Variants in PYHIN1 observed in about 807,000 individuals in gnomAD.
PYHIN1 encodes the protein pyrin and HIN domain-containing protein 1.
A neutral mutation model predicts 43.7 loss-of-function variants in PYHIN1; 32 were observed. That is an observed-to-expected ratio of 0.73 (90% CI 0.55 to 0.98). The LOEUF is 0.98. Among genes scored for constraint, PYHIN1 ranks in the 50% least tolerant of loss-of-function variants. The pLI is 0.00. For missense variants in PYHIN1, 588 were observed against 589.5 expected (o/e 1.00, Z 0.03); for synonymous variants, 205 against 203.1 (o/e 1.01, Z -0.08).
chr1:158,952,440 G>A (rs889383420), intron 7 of PYHIN1, among the ~76,000 whole-genome samples: 14 of 152,076 alleles, frequency 9.2e-5, no homozygotes, highest in African/African-American at 2.2e-4. Flanking sequence ...GCAGGTGAAC[G>A]GCTCCCCTTT....
chr1:158,951,561 G>T (rs856088), intron 7 of PYHIN1, among the ~76,000 whole-genome samples: 124,433 of 152,146 alleles, frequency 0.82, 51,995 homozygotes, highest in East Asian at 0.99. Flanking sequence ...GAATTACGTG[G>T]TCTCCACCAG....
chr1:158,959,238 G>T (rs1650178013), intron 7 of PYHIN1, among the ~76,000 whole-genome samples: 1 of 152,094 alleles, frequency 6.6e-6, no homozygotes, highest in South Asian at 2.1e-4. Flanking sequence ...CTGAGCTAAG[G>T]GTCCAGGCCC....
intron 7 of PYHIN1, chr1:158,945,254 G>A (rs1649161220): frequency 2.3e-6 from 1 of 432,890 alleles, no homozygotes. Flanking sequence ...AACGATTGCT[G>A]ACCACAAGAG....
At chr1:158,986,475 C>T in the PYHIN1 span, among the ~76,000 whole-genome samples, 2,627 of 152,254 alleles carry the variant, frequency 0.017, 51 homozygotes, top group East Asian at 0.11. Flanking sequence ...ACCTGCTGCA[C>T]TGAAGGGGCT....
intron 7 of PYHIN1, among the ~76,000 whole-genome samples, chr1:158,955,472 G>A (rs1055217939): frequency 6.6e-6 from 1 of 151,840 alleles, no homozygotes; most frequent in Non-Finnish European, 1.5e-5. Context: ...TCAACTACAT[G>A]GAAACTGAAC....
intron 1 of PYHIN1, among the ~76,000 whole-genome samples, chr1:158,935,123 C>T (rs1348390227): frequency 6.6e-6 from 1 of 152,090 alleles, no homozygotes; most frequent in Non-Finnish European, 1.5e-5. Flanking sequence ...CTGAAAATTT[C>T]TAGAAGACAA....
intron 7 of PYHIN1, among the ~76,000 whole-genome samples, chr1:158,964,276 A>G (rs1650491576): frequency 6.6e-6 from 1 of 152,226 alleles, no homozygotes; most frequent in South Asian, 2.1e-4. Context: ...AGAGACAAGG[A>G]GAAAGCAAAC....
chr1:158,974,506 T>G (rs987654909), intron 8 of PYHIN1, among the ~76,000 whole-genome samples: 2 of 151,980 alleles, frequency 1.3e-5, no homozygotes, highest in Admixed American at 6.6e-5. Context: ...CTGCTTTTGG[T>G]CATGATATGA....
chr1:158,936,709 A>C (rs1010208184), intron 1 of PYHIN1, among the ~76,000 whole-genome samples, 182 bp from the exon 2 acceptor site: 2 of 152,236 alleles, frequency 1.3e-5, no homozygotes, highest in Non-Finnish European at 2.9e-5. Flanking sequence ...AAATAATAAG[A>C]GCTATCTATG....
intron 5 of PYHIN1, among the ~76,000 whole-genome samples, chr1:158,943,190 T>C (rs1421319690): frequency 6.6e-6 from 1 of 152,166 alleles, no homozygotes; most frequent in East Asian, 1.9e-4. Flanking sequence ...TTTACCAGCA[T>C]TGCTTTCTGT....
chr1:158,949,105 G>A (rs938915810), intron 7 of PYHIN1, among the ~76,000 whole-genome samples: 19 of 152,106 alleles, frequency 1.2e-4, no homozygotes, highest in Admixed American at 8.5e-4. Flanking sequence ...AGATGTCCTA[G>A]GCACCATAAA....
intron 7 of PYHIN1, among the ~76,000 whole-genome samples, chr1:158,969,214 A>G (rs1172040727): frequency 6.6e-6 from 1 of 151,974 alleles, no homozygotes; most frequent in Non-Finnish European, 1.5e-5. Context: ...AGACATCGTT[A>G]TGGTTTGAGT....
At chr1:158,976,202 C>T (rs1326160193) in intron 8 of PYHIN1, among the ~76,000 whole-genome samples, 2 of 152,040 alleles carry the variant, frequency 1.3e-5, no homozygotes, top group African/African-American at 4.8e-5. Flanking sequence ...CAAATAAAGG[C>T]TAATATTGGA....
At chr1:158,990,670 C>T in the PYHIN1 span, among the ~76,000 whole-genome samples, 2 of 152,128 alleles carry the variant, frequency 1.3e-5, no homozygotes, top group Non-Finnish European at 2.9e-5. Flanking sequence ...TCCCATTTCT[C>T]CCTCCCCTAC....
intron 1 of PYHIN1, among the ~76,000 whole-genome samples, chr1:158,934,159 C>A (rs898555563): frequency 6.6e-6 from 1 of 152,086 alleles, no homozygotes; most frequent in Non-Finnish European, 1.5e-5. Flanking sequence ...TTACTTAATG[C>A]ACATTTTTCT....
At chr1:158,983,685 A>G in the PYHIN1 span, among the ~76,000 whole-genome samples, 1 of 152,116 alleles carries the variant, frequency 6.6e-6, no homozygotes, top group African/African-American at 2.4e-5. Context: ...CCGCTCCTCA[A>G]TATTTTGGAA....
chr1:158,932,730 A>G (rs561798788), intron 1 of PYHIN1, among the ~76,000 whole-genome samples: 32 of 152,300 alleles, frequency 2.1e-4, no homozygotes, highest in South Asian at 8.3e-4. Flanking sequence ...AGTATGTTTA[A>G]CTTTTACATT....
chr1:158,954,775 C>T (rs1571754307), intron 7 of PYHIN1, among the ~76,000 whole-genome samples: 2 of 150,876 alleles, frequency 1.3e-5, no homozygotes, highest in East Asian at 3.9e-4. Flanking sequence ...TGTAAATGGA[C>T]TAAATGCTCC....
Position 158,976,795 on chromosome 1 carries a change from A to C in PYHIN1, c.*100A>C. ...GTCCTCCACCTAAAAACCTGATGCC[A>C]TTGGTAATGATGTTTATGAAGATAA... On this transcript the variant is annotated 3_prime_UTR_variant, in exon 9 of 9. Coordinates refer to ENST00000368140, the MANE Select transcript of PYHIN1 (RefSeq NM_152501.5). The C allele has an allele frequency of 9.5e-7, 1 of 1,053,770 alleles. No individual in the cohort carries two copies. Among genetic ancestry groups the C allele is most frequent in the Non-Finnish European group, 1.5e-6 (1 of 680,358 alleles). 65.3% of individuals were successfully genotyped at this position (1,053,770 alleles called of 1,614,324 possible).
Sources: allele counts gnomAD v4.1 joint callset (sites outside exome capture counted in the v4.1 genomes callset), GRCh38; gene constraint gnomAD v4.1.1; transcripts MANE v1.5; gene names NCBI Gene and HGNC (gene_info 2026-07-23, HGNC 2026-07-21).